Variants in KCNMA1 observed in about 807,000 individuals in gnomAD.
KCNMA1 encodes the protein potassium calcium-activated channel subfamily M alpha 1.
KCNMA1 carries 29 observed loss-of-function variants against 140.0 expected under a neutral mutation model. The ratio of observed to expected loss-of-function variants is 0.21; its 90% CI spans 0.15 to 0.28. The LOEUF is 0.28. Among genes scored for constraint, KCNMA1 ranks in the 10% least tolerant of loss-of-function variants. The probability of loss-of-function intolerance (pLI) is 1.00; values close to 1 mark genes in which losing one functional copy is unlikely to be tolerated. For synonymous variants in KCNMA1, 612 were observed against 611.9 expected, an observed-to-expected ratio of 1.00 and a Z score of 0.00; for missense variants, 880 against 1,602.2, an observed-to-expected ratio of 0.55 and a Z score of 7.70.
At chr10:77,319,528 C>T (rs185457549) in intron 2 of KCNMA1, among the ~76,000 whole-genome samples, 1 of 152,188 alleles carries the variant, frequency 6.6e-6, no homozygotes, top group Admixed American at 6.5e-5. Context: ...AAAAGCCTCA[C>T]CTTTTCACTA....
chr10:77,370,751 C>T (rs1280303311), intron 2 of KCNMA1, among the ~76,000 whole-genome samples: 19 of 152,250 alleles, frequency 1.2e-4, no homozygotes, highest in Admixed American at 8.5e-4. Context: ...AGTGCAGTAG[C>T]GGGGTCTACT....
intron 2 of KCNMA1, among the ~76,000 whole-genome samples, chr10:77,337,791 G>A (rs2089654780): frequency 1.3e-5 from 2 of 152,158 alleles, no homozygotes. Flanking sequence ...TAAGCCATGG[G>A]TCCTACACTG....
At chr10:77,570,853 C>A in intron 1 of KCNMA1, among the ~76,000 whole-genome samples, 1 of 151,774 alleles carries the variant, frequency 6.6e-6, no homozygotes. Context: ...ATCACTCGAG[C>A]CTGGGAGGTG....
intron 1 of KCNMA1, chr10:77,634,616 T>G: frequency 2.0e-6 from 2 of 985,248 alleles, no homozygotes; most frequent in South Asian, 9.4e-5. Context: ...AGGGTGAGGG[T>G]GAACCCATCT....
chr10:77,592,502 A>T (rs1385302882), intron 1 of KCNMA1, among the ~76,000 whole-genome samples: 1 of 152,228 alleles, frequency 6.6e-6, no homozygotes. Flanking sequence ...GGTAGACAGG[A>T]ATTCTCTGTA....
At chr10:77,358,264 C>T (rs2093666924) in intron 2 of KCNMA1, among the ~76,000 whole-genome samples, 1 of 152,122 alleles carries the variant, frequency 6.6e-6, no homozygotes, top group African/African-American at 2.4e-5. Context: ...AGAGGAAGTC[C>T]TCCAAGGAAA....
At chr10:77,520,256 T>C (rs1455407991) in intron 1 of KCNMA1, among the ~76,000 whole-genome samples, 6 of 151,528 alleles carry the variant, frequency 4.0e-5, no homozygotes, top group Admixed American at 3.9e-4. Context: ...GTCTGGGGTG[T>C]GCAGTGTGAG....
At chr10:77,331,289 T>C (rs1424174233) in intron 2 of KCNMA1, among the ~76,000 whole-genome samples, 1 of 152,194 alleles carries the variant, frequency 6.6e-6, no homozygotes. Flanking sequence ...AATAACTTGC[T>C]TATCCTTATA....
At chr10:77,342,743 A>G (rs2091245023) in intron 2 of KCNMA1, among the ~76,000 whole-genome samples, 1 of 152,204 alleles carries the variant, frequency 6.6e-6, no homozygotes, top group Non-Finnish European at 1.5e-5. Context: ...AAACTCAACA[A>G]GGGTATAATC....
chr10:77,113,827 C>G (rs1057335987), intron 6 of KCNMA1, among the ~76,000 whole-genome samples: 1 of 152,066 alleles, frequency 6.6e-6, no homozygotes, highest in Non-Finnish European at 1.5e-5. Context: ...TATTACCTAC[C>G]ATCTCACATA....
chr10:77,088,564 G>C (rs1030536497), intron 10 of KCNMA1, among the ~76,000 whole-genome samples: 6 of 152,198 alleles, frequency 3.9e-5, no homozygotes, highest in Admixed American at 2.0e-4. Context: ...AGAGTAGCGA[G>C]GGCTACAGGC....
chr10:77,095,452 T>C (rs1474640958), intron 9 of KCNMA1, among the ~76,000 whole-genome samples: 5 of 152,086 alleles, frequency 3.3e-5, no homozygotes, highest in Admixed American at 2.6e-4. Context: ...TGGAGAGGAA[T>C]TATTCATCCA....
At chr10:77,489,867 C>G (rs2098510827) in intron 1 of KCNMA1, among the ~76,000 whole-genome samples, 1 of 152,254 alleles carries the variant, frequency 6.6e-6, no homozygotes, top group Admixed American at 6.5e-5. Flanking sequence ...TCAATTGATT[C>G]AAACTTTGGA....
chr10:77,335,167 G>A (rs1038164708), intron 2 of KCNMA1, among the ~76,000 whole-genome samples: 22 of 151,954 alleles, frequency 1.4e-4, no homozygotes, highest in African/African-American at 3.1e-4. Context: ...TCCTCCTCCC[G>A]TCCTCATCCT....
chr10:77,524,839 T>C (rs1213738691), intron 1 of KCNMA1, among the ~76,000 whole-genome samples: 1 of 152,194 alleles, frequency 6.6e-6, no homozygotes, highest in African/African-American at 2.4e-5. Flanking sequence ...CAGAGGGTTA[T>C]GCGGGAGGGA....
intron 2 of KCNMA1, among the ~76,000 whole-genome samples, chr10:77,386,769 A>C (rs1373971269): frequency 6.6e-6 from 1 of 152,204 alleles, no homozygotes. Flanking sequence ...CCCCACTGCA[A>C]TTCTGGCAGG....
intron 2 of KCNMA1, among the ~76,000 whole-genome samples, chr10:77,359,923 G>A (rs2093806807): frequency 6.6e-6 from 1 of 152,222 alleles, no homozygotes. Flanking sequence ...ACAAACGAAT[G>A]CCAAGGCAGA....
At chr10:77,299,530 A>C (rs756274277) in intron 2 of KCNMA1, among the ~76,000 whole-genome samples, 19 of 152,156 alleles carry the variant, frequency 1.2e-4, no homozygotes, top group Admixed American at 2.6e-4. Context: ...ACACTTTCTG[A>C]GAAGTCGGTG....
intron 2 of KCNMA1, among the ~76,000 whole-genome samples, chr10:77,374,931 G>A (rs552758587): frequency 5.2e-4 from 79 of 152,296 alleles, no homozygotes; most frequent in Admixed American, 1.0e-3. Flanking sequence ...TTCCTGGACT[G>A]TTAGCAAAGG....
Sources: allele counts gnomAD v4.1 joint callset (sites outside exome capture counted in the v4.1 genomes callset), GRCh38; gene constraint gnomAD v4.1.1; transcripts MANE v1.5; gene names NCBI Gene and HGNC (gene_info 2026-07-23, HGNC 2026-07-21).